The following GPR160 variants were observed in gnomAD, a reference collection of about 807,000 sequenced individuals.
GPR160 encodes the protein probable G protein-coupled receptor 160.
In GPR160, 2 loss-of-function variants were observed where a neutral mutation model predicts 2.6. The ratio of observed to expected loss-of-function variants is 0.77; its 90% CI spans 0.32 to 2.44. The LOEUF (loss-of-function observed/expected upper bound fraction) is 2.44. Among genes scored for constraint, GPR160 ranks in the 30% most tolerant of loss-of-function variants. The probability of loss-of-function intolerance (pLI) is 0.11; values close to 1 mark genes in which losing one functional copy is unlikely to be tolerated. For synonymous variants in GPR160, 130 were observed against 132.2 expected (o/e 0.98, Z 0.12); for missense variants, 351 against 383.6 (o/e 0.91, Z 0.71).
intron 3 of GPR160, among the ~76,000 whole-genome samples, chr3:170,081,482 AT>A (rs1261820799): frequency 2.6e-5 from 4 of 152,176 alleles, no homozygotes; most frequent in African/African-American, 9.7e-5. Context: ...GTATAAGTAG[AT>A]TATTTGTATA....
chr3:170,046,852 A>G (rs1334273450), intron 2 of GPR160, among the ~76,000 whole-genome samples: 1 of 152,198 alleles, frequency 6.6e-6, no homozygotes, highest in Non-Finnish European at 1.5e-5. Flanking sequence ...AGAAATGAGA[A>G]CATGGAATGG....
intron 2 of GPR160, among the ~76,000 whole-genome samples, chr3:170,042,370 G>A (rs1337014835): frequency 2.7e-5 from 4 of 147,982 alleles, no homozygotes; most frequent in East Asian, 4.0e-4. Flanking sequence ...GCAGTGAGCC[G>A]TGATCATACC....
At chr3:170,042,506 T>C (rs1302621343) in intron 2 of GPR160, among the ~76,000 whole-genome samples, 1 of 142,548 alleles carries the variant, frequency 7.0e-6, no homozygotes, top group Non-Finnish European at 1.5e-5. Context: ...AAATTTAACA[T>C]TTATCAAGAG....
chr3:170,079,172 T>G (rs1260913606), intron 2 of GPR160, among the ~76,000 whole-genome samples: 4 of 152,246 alleles, frequency 2.6e-5, no homozygotes, highest in Non-Finnish European at 4.4e-5. Context: ...TGTTCAAGGC[T>G]GCTCTCTTCT....
chr3:170,042,402 C>T (rs1716488383), intron 2 of GPR160, among the ~76,000 whole-genome samples: 1 of 121,400 alleles, frequency 8.2e-6, no homozygotes, highest in South Asian at 2.5e-4. Flanking sequence ...GCCTGGGTGA[C>T]AGAGCAAGAT....
intron 2 of GPR160, among the ~76,000 whole-genome samples, chr3:170,043,312 G>A (rs1025377605): frequency 1.3e-5 from 2 of 152,112 alleles, no homozygotes; most frequent in African/African-American, 4.8e-5. Flanking sequence ...CTTCCACGTA[G>A]CTGGGATTAC....
chr3:170,061,202 G>T lies in GPR160; in HGVS notation c.-192-18572G>T, dbSNP rs140079676. On this transcript the variant is annotated intron_variant, in intron 2 of 3. Transcript: ENST00000355897. The stretch of plus-strand genomic sequence containing the variant: ...AGGCAGGAGAATCGCTTGAACCTGG[G>T]AGGCAGAGGTTGCAGTGAGCCGATA... 6.1e-3 allele frequency among the ~76,000 whole-genome samples: 929 copies of T among 151,750 alleles called. 12 individuals are homozygous for T. Among genetic ancestry groups the T allele is most frequent in the African/African-American group, 0.022 (890 of 41,348 alleles).
intron 2 of GPR160, among the ~76,000 whole-genome samples, chr3:170,039,650 A>G (rs1006326384): frequency 6.6e-6 from 1 of 152,224 alleles, no homozygotes; most frequent in Non-Finnish European, 1.5e-5. Context: ...CGGAGGTTGC[A>G]GTAAGCCGAG....
intron 2 of GPR160, among the ~76,000 whole-genome samples, chr3:170,064,519 T>C (rs111576150): frequency 3.1e-3 from 330 of 107,858 alleles, no homozygotes; most frequent in African/African-American, 9.3e-3. Context: ...CTTTTCTTTT[T>C]TTTTTTTTTT....
rs146925631 is a variant in GPR160, at chr3:170,040,497, T to C, written c.-193+1454T>C. 2.1e-3 allele frequency among the ~76,000 whole-genome samples: 320 copies of C among 152,348 alleles called. 1 individual carries two copies. Among genetic ancestry groups the C allele is most frequent in the Middle Eastern group, 0.014 (4 of 294 alleles). On this transcript the variant is annotated intron_variant, in intron 2 of 3. Transcript: ENST00000355897. ...GGGTGTTTGCTGAGTGTGACAAAGC[T>C]GAGCGGATCAAGTTGATGCAGGTGG...
chr3:170,084,198 ATATTG>A lies in GPR160; in HGVS notation c.231_235del (p.Leu77PhefsTer10). 2 of 1,593,674 alleles carry A rather than the reference ATATTG, an allele frequency of 1.3e-6. No homozygotes were observed. Among genetic ancestry groups the A allele is most frequent in the East Asian group, 2.2e-5 (1 of 44,688 alleles). On this transcript the variant is annotated frameshift_variant, in exon 4 of 4. Transcript: ENST00000355897. LOFTEE classifies it low-confidence loss of function (END_TRUNC). ...TTTACTTTTGGTAAACATTTCCATT[ATATTG>A]TATTTCAGGGATTTTGTACTTTTAA...
chr3:170,066,746 T>C (rs1186929314), intron 2 of GPR160, among the ~76,000 whole-genome samples: 1 of 152,234 alleles, frequency 6.6e-6, no homozygotes, highest in African/African-American at 2.4e-5. Flanking sequence ...CACATGCAAG[T>C]AAATTTATAG....
chr3:170,084,927 A>T lies in GPR160; in HGVS notation c.955A>T (p.Ile319Phe). The change falls in exon 4 of 4, where the codon ATT (isoleucine) becomes TTT (phenylalanine). Residue 319 changes from isoleucine (I) to phenylalanine (F), a missense_variant. Transcript: ENST00000355897. ...DPFVNWKCCF[I>F]PLTIPNLEQI... is the part of the protein sequence containing the mutation. ...ATTTGTCAACTGGAAGTGCTGCTTC[A>T]TTCCACTTACAATTCCTAATCTTGA... 9 of 1,601,782 alleles carry T rather than the reference A, an allele frequency of 5.6e-6. No homozygotes were observed. Among genetic ancestry groups the T allele is most frequent in the Non-Finnish European group, 7.7e-6 (9 of 1,172,382 alleles).
intron 2 of GPR160, among the ~76,000 whole-genome samples, chr3:170,071,241 G>A (rs1188153925): frequency 6.6e-6 from 1 of 152,166 alleles, no homozygotes; most frequent in Non-Finnish European, 1.5e-5. Flanking sequence ...CTGGATCATG[G>A]GGGCAGATCC....
chr3:170,044,862 GA>G (rs1716638659), intron 2 of GPR160, among the ~76,000 whole-genome samples: 1 of 152,140 alleles, frequency 6.6e-6, no homozygotes, highest in South Asian at 2.1e-4. Flanking sequence ...AGCCCCCCAA[GA>G]AAGCTCTGCA....
intron 2 of GPR160, among the ~76,000 whole-genome samples, chr3:170,051,819 A>AC (rs1716971095): frequency 6.6e-6 from 1 of 152,200 alleles, no homozygotes; most frequent in African/African-American, 2.4e-5. Context: ...AAGAAAAAAA[A>AC]AGTTTTAAAT....
intron 2 of GPR160, among the ~76,000 whole-genome samples, chr3:170,068,659 AAG>A (rs1429542505): frequency 6.6e-6 from 1 of 152,116 alleles, no homozygotes; most frequent in Admixed American, 6.6e-5. Flanking sequence ...TTTATTTTCC[AAG>A]AGGTCTTTTT....
intron 2 of GPR160, among the ~76,000 whole-genome samples, chr3:170,061,295 T>C (rs1467985410): frequency 6.7e-6 from 1 of 148,974 alleles, no homozygotes; most frequent in Admixed American, 6.7e-5. Flanking sequence ...AAAAGAAAGA[T>C]AAAAAACAAC....
intron 2 of GPR160, among the ~76,000 whole-genome samples, chr3:170,040,309 T>C (rs1304903531): frequency 6.6e-6 from 1 of 152,238 alleles, no homozygotes; most frequent in East Asian, 1.9e-4. Context: ...TGGAGCTTTT[T>C]TGCATAAGGT....
Sources: gnomAD v4.1 joint callset for allele counts (sites outside exome capture counted in the v4.1 genomes callset) on GRCh38, gnomAD v4.1.1 for gene constraint, MANE v1.5 for transcripts, NCBI Gene and HGNC (gene_info 2026-07-23, HGNC 2026-07-21) for gene names.